RGS7: variants seen among roughly 807,000 people sequenced by gnomAD.
RGS7 encodes the protein regulator of G protein signaling 7, also known as regulator of G-protein signaling 7.
Under a neutral mutation model 81.1 loss-of-function variants are expected in RGS7, and 27 were observed. The ratio of observed to expected loss-of-function variants is 0.33; its 90% CI spans 0.25 to 0.46. The LOEUF is 0.46. Ranked by LOEUF, RGS7 falls within the 20% of genes least tolerant of loss-of-function variation. The pLI, the probability that RGS7 is intolerant of heterozygous loss-of-function variation, is 1.00. For missense variants in RGS7, 396 were observed against 607.4 expected (o/e 0.65, Z 3.66); for synonymous variants, 208 against 207.7 (o/e 1.00, Z -0.01).
At chr1:241,029,244 AG>A (rs1558619618) in intron 3 of RGS7, among the ~76,000 whole-genome samples, 1 of 152,198 alleles carries the variant, frequency 6.6e-6, no homozygotes, top group Non-Finnish European at 1.5e-5. Flanking sequence ...GTAGCCATCT[AG>A]CAAAATACAT....
At chr1:241,307,339 T>G (rs1383852442) in intron 2 of RGS7, among the ~76,000 whole-genome samples, 2 of 152,150 alleles carry the variant, frequency 1.3e-5, no homozygotes, top group Non-Finnish European at 2.9e-5. Flanking sequence ...CTAACAGGAG[T>G]TCAATGTAAC....
At chr1:241,282,877 A>T (rs2078599847) in intron 2 of RGS7, among the ~76,000 whole-genome samples, 1 of 152,096 alleles carries the variant, frequency 6.6e-6, no homozygotes, top group Non-Finnish European at 1.5e-5. Flanking sequence ...CCTTTAACTA[A>T]TATGTGTATA....
rs570631595 is a variant in RGS7, at chr1:241,288,286, G to A, written c.78+67413C>T. ...ACATGGGCTAAGTGAGGTAAAGCAA[G>A]TTGCCTGAGATCACGTGGCTTGTGA... is the stretch of plus-strand genomic sequence containing the variant. On this transcript the variant is annotated intron_variant, in intron 2 of 18. Transcript: ENST00000440928. 2.0e-4 allele frequency among the ~76,000 whole-genome samples: 30 copies of A among 152,352 alleles called. No homozygotes were observed. In the East Asian group the frequency reaches 3.7e-3, roughly 19 times the overall value.
At chr1:241,016,562 AAC>A (rs1322146390) in intron 3 of RGS7, among the ~76,000 whole-genome samples, 5 of 125,272 alleles carry the variant, frequency 4.0e-5, no homozygotes, top group African/African-American at 4.1e-5. Context: ...AAACCAACCA[AAC>A]AAACAAAAAA....
chr1:241,045,843 A>G (rs1364518696), intron 3 of RGS7, among the ~76,000 whole-genome samples: 1 of 152,132 alleles, frequency 6.6e-6, no homozygotes, highest in East Asian at 1.9e-4. Flanking sequence ...AAGTATTTCA[A>G]GAGAGAGGTT....
At chr1:241,121,710 C>CTTTTTTTTTTTTTTTTT (rs10681773) in intron 2 of RGS7, among the ~76,000 whole-genome samples, 1 of 66,412 alleles carries the variant, frequency 1.5e-5, no homozygotes, top group Non-Finnish European at 2.7e-5. Flanking sequence ...TGCAATTGTT[C>CTTTTTTTTTTTTTTTTT]TTTTTTTTTT....
intron 5 of RGS7, among the ~76,000 whole-genome samples, chr1:240,931,678 ACAAAT>A (rs1208328218): frequency 6.6e-6 from 1 of 152,188 alleles, no homozygotes; most frequent in Non-Finnish European, 1.5e-5. Context: ...TTTAAACTGC[ACAAAT>A]CAGAGATTTT....
chr1:241,267,264 AG>A (rs560604036), intron 2 of RGS7, among the ~76,000 whole-genome samples: 71 of 152,168 alleles, frequency 4.7e-4, no homozygotes, highest in African/African-American at 1.6e-3. Context: ...CCTTGCATGG[AG>A]GGGTCTGAGT....
intron 9 of RGS7, among the ~76,000 whole-genome samples, chr1:240,847,347 A>C (rs1659279643): frequency 6.8e-6 from 1 of 146,816 alleles, no homozygotes; most frequent in African/African-American, 2.5e-5. Flanking sequence ...TCCCATTTCA[A>C]ATGAGAAGTT....
At chr1:241,095,159 A>C (rs1227251535) in intron 3 of RGS7, among the ~76,000 whole-genome samples, 1 of 152,174 alleles carries the variant, frequency 6.6e-6, no homozygotes, top group African/African-American at 2.4e-5. Context: ...CAGAGCTCTC[A>C]ATAAAACAAG....
chr1:240,920,946 CT>C lies in RGS7; in HGVS notation c.385+9770del, dbSNP rs34197635. Among the ~76,000 whole-genome samples the C allele has an allele frequency of 1.9e-3, 286 of 148,654 alleles. 4 individuals carry two copies. In the East Asian group the frequency reaches 0.022, roughly 11 times the overall value. On this transcript the variant is annotated intron_variant, in intron 6 of 18. Transcript: ENST00000440928. ...TTTGATTGTGATGCTGAATAAATGT[CT>C]TTTTTTTTTAATGTACTGTATAAAG...
chr1:241,099,381 C>T (rs925744885), intron 2 of RGS7, among the ~76,000 whole-genome samples: 1 of 152,002 alleles, frequency 6.6e-6, no homozygotes, highest in Non-Finnish European at 1.5e-5. Flanking sequence ...TGCACATGTA[C>T]ACACACACAT....
At chr1:240,896,958 G>A (rs1669196139) in intron 6 of RGS7, among the ~76,000 whole-genome samples, 2 of 151,946 alleles carry the variant, frequency 1.3e-5, no homozygotes, top group Non-Finnish European at 2.9e-5. Context: ...CTTTTATTTC[G>A]TTGAGCAGTG....
intron 3 of RGS7, among the ~76,000 whole-genome samples, chr1:241,060,210 C>T (rs952447896): frequency 6.6e-6 from 1 of 152,150 alleles, no homozygotes; most frequent in Non-Finnish European, 1.5e-5. Flanking sequence ...AAATATCTAA[C>T]AACTATTAAA....
At chr1:240,893,651 T>C (rs72756827) in intron 6 of RGS7, among the ~76,000 whole-genome samples, 19,379 of 151,938 alleles carry the variant, frequency 0.13, 1,351 homozygotes, top group Middle Eastern at 0.18. Context: ...GTCCTTTAAA[T>C]CTGCAGTTCC....
At chr1:240,958,456 G>A (rs2148463398) in intron 4 of RGS7, among the ~76,000 whole-genome samples, 1 of 152,298 alleles carries the variant, frequency 6.6e-6, no homozygotes, top group East Asian at 1.9e-4. Flanking sequence ...GTTGGCTTTT[G>A]TCAGTGTGCT....
intron 14 of RGS7, among the ~76,000 whole-genome samples, chr1:240,807,454 G>T (rs1047954958): frequency 7.9e-5 from 12 of 152,136 alleles, no homozygotes; most frequent in African/African-American, 2.7e-4. Context: ...AGGCACAGGT[G>T]ATCAGCAGTA....
chr1:240,981,399 C>G (rs568031415), intron 4 of RGS7, among the ~76,000 whole-genome samples: 4 of 152,142 alleles, frequency 2.6e-5, no homozygotes, highest in Non-Finnish European at 4.4e-5. Flanking sequence ...CATGAGTCAC[C>G]GCGCCTGACC....
intron 4 of RGS7, among the ~76,000 whole-genome samples, chr1:240,975,262 C>T (rs1252896654): frequency 2.0e-5 from 3 of 152,026 alleles, no homozygotes; most frequent in Non-Finnish European, 2.9e-5. Flanking sequence ...ATTAGCTGGG[C>T]GTGCTGGTGT....
Sources: gnomAD v4.1 joint callset for allele counts (sites outside exome capture counted in the v4.1 genomes callset) on GRCh38, gnomAD v4.1.1 for gene constraint, MANE v1.5 for transcripts, NCBI Gene and HGNC (gene_info 2026-07-23, HGNC 2026-07-21) for gene names.